SLC12A3: variants seen among roughly 807,000 people sequenced by gnomAD.
SLC12A3 encodes solute carrier family 12 member 3.
SLC12A3 carries 104 observed loss-of-function variants against 121.0 expected under a neutral mutation model. The observed-to-expected ratio is 0.86, with a 90% CI of 0.73 to 1.01. SLC12A3 has a LOEUF of 1.01. SLC12A3 is among the 50% of genes least tolerant of loss of function. SLC12A3 has a pLI of 0.00. For missense variants in SLC12A3, 1,328 were observed against 1,356.3 expected, an observed-to-expected ratio of 0.98 and a Z score of 0.33; for synonymous variants, 536 against 533.4, an observed-to-expected ratio of 1.00 and a Z score of -0.07.
chr16:56,880,974 C>T (rs1370521228), intron 12 of SLC12A3, among the ~76,000 whole-genome samples: 2 of 152,232 alleles, frequency 1.3e-5, no homozygotes, highest in African/African-American at 4.8e-5. Flanking sequence ...CACACACACT[C>T]ATATGTGCAC....
At chr16:56,894,673 T>G in intron 22 of SLC12A3, 31 bp downstream of exon 22, 16 of 1,528,868 alleles carry the variant, frequency 1.0e-5, no homozygotes, top group Non-Finnish European at 1.4e-5. Flanking sequence ...TGGGGGTGAC[T>G]GCAGGGACCA....
At chr16:56,880,290 T>A in intron 12 of SLC12A3, 37 bp downstream of exon 12, 1 of 1,555,398 alleles carries the variant, frequency 6.4e-7, no homozygotes, top group Non-Finnish European at 8.7e-7. Flanking sequence ...CCTGGCCTCC[T>A]GTTCCCCTGG....
intron 15 of SLC12A3, 69 bp from the exon 16 acceptor site, chr16:56,886,295 T>A: frequency 8.7e-7 from 1 of 1,147,858 alleles, no homozygotes; most frequent in South Asian, 1.2e-5. Context: ...GCCTGGGAGG[T>A]GCCTTTCGCA....
At chr16:56,907,345 C>T (rs1311954077) in intron 25 of SLC12A3, among the ~76,000 whole-genome samples, 1 of 151,860 alleles carries the variant, frequency 6.6e-6, no homozygotes, top group African/African-American at 2.4e-5. Context: ...GTAATCCCAG[C>T]TACTTGGGAG....
At chr16:56,871,158 C>T (rs1264418766) in intron 6 of SLC12A3, among the ~76,000 whole-genome samples, 1 of 152,276 alleles carries the variant, frequency 6.6e-6, no homozygotes, top group East Asian at 1.9e-4. Context: ...TGTGTGACAA[C>T]CTAGGTCCAC....
At chr16:56,912,032 G>C (rs557895049) in intron 25 of SLC12A3, among the ~76,000 whole-genome samples, 1 of 152,258 alleles carries the variant, frequency 6.6e-6, no homozygotes, top group Non-Finnish European at 1.5e-5. Flanking sequence ...CGACTCGGAC[G>C]CCAGAGACTG....
chr16:56,865,867 G>C (rs1478304837), intron 1 of SLC12A3, among the ~76,000 whole-genome samples: 2 of 152,202 alleles, frequency 1.3e-5, no homozygotes, highest in African/African-American at 4.8e-5. Context: ...TTTGCTGCCC[G>C]GGAGGCTGGA....
At chr16:56,906,754 T>C in intron 25 of SLC12A3, 1 of 729,530 alleles carries the variant, frequency 1.4e-6, no homozygotes, top group Non-Finnish European at 2.2e-6. Context: ...AGCTTTGGCA[T>C]GATTTATGAT....
rs1596949929 is a variant in SLC12A3 at position 56,902,630 on chromosome 16, C to T, written c.2856+122C>T. On this transcript the variant is annotated intron_variant, in intron 24 of 25. Coordinates refer to ENST00000563236, the MANE Select transcript of SLC12A3 (RefSeq NM_001126108.2). ...CTCCACCCTGCCTTCCACTCCGGCC[C>T]CTGAGGTATCCTCAAGCCACAGTCG... 5.0e-6 allele frequency: 6 copies of T among 1,202,868 alleles called. No homozygotes were observed. In the East Asian group the frequency reaches 1.3e-4, roughly 25 times the overall value. 74.5% of individuals were successfully genotyped at this position (1,202,868 alleles called of 1,614,324 possible).
intron 22 of SLC12A3, among the ~76,000 whole-genome samples, chr16:56,899,032 A>G (rs1164204796): frequency 6.6e-6 from 1 of 152,206 alleles, no homozygotes; most frequent in East Asian, 1.9e-4. Flanking sequence ...GATGGCCACC[A>G]GATACTTGGG....
chr16:56,902,522 T>TGGGG lies in SLC12A3; in HGVS notation c.2856+16_2856+19dup. On this transcript the variant is annotated intron_variant, in intron 24 of 25. Transcript: ENST00000563236. ...AACAGAGTCAAGGTGCAGAGAGGGG[T>TGGGG]GGGGGTGGGAAACGCGACACATCAC... The TGGGG allele has an allele frequency of 4.8e-6, 2 of 415,456 alleles. No individual in the cohort carries two copies. The highest frequency in any genetic ancestry group is 4.2e-6 in the Non-Finnish European group (1 of 239,946). 25.7% of individuals were successfully genotyped at this position (415,456 alleles called of 1,614,324 possible).
chr16:56,895,247 A>G (rs2055446728), intron 22 of SLC12A3, among the ~76,000 whole-genome samples: 1 of 142,384 alleles, frequency 7.0e-6, no homozygotes, highest in African/African-American at 2.7e-5. Flanking sequence ...GCTAGAGTGC[A>G]GTGACGCAAT....
intron 25 of SLC12A3, among the ~76,000 whole-genome samples, chr16:56,905,322 G>C (rs2055592762): frequency 8.4e-6 from 1 of 119,644 alleles, no homozygotes; most frequent in Non-Finnish European, 1.6e-5. Flanking sequence ...CTGGCAACAA[G>C]AGCGAAACTC....
At chr16:56,877,394 T>TC (rs2055177345) in intron 8 of SLC12A3, among the ~76,000 whole-genome samples, 1 of 150,528 alleles carries the variant, frequency 6.6e-6, no homozygotes, top group Non-Finnish European at 1.5e-5. Context: ...AGACTCTGTC[T>TC]CAAAAAAAAA....
chr16:56,907,260 G>T (rs765478206), intron 25 of SLC12A3, among the ~76,000 whole-genome samples: 1 of 152,078 alleles, frequency 6.6e-6, no homozygotes, highest in South Asian at 2.1e-4. Context: ...GTTTGAGACC[G>T]GCCTGGCCAA....
chr16:56,905,528 T>C lies in SLC12A3; in HGVS notation c.2924+1066T>C, dbSNP rs140274734. ...TGGTGATGTACCCCACTCCCAGACCTGTCACCATCTGACCTGGACTGCAGA... is the reference window on the plus strand; with the variant it reads ...TGGTGATGTACCCCACTCCCAGACCCGTCACCATCTGACCTGGACTGCAGA... On this transcript the variant is annotated intron_variant, in intron 25 of 25. Coordinates refer to ENST00000563236, the MANE Select transcript of SLC12A3 (RefSeq NM_001126108.2). Among the ~76,000 whole-genome samples, 412 of 152,160 alleles carry C rather than the reference T, an allele frequency of 2.7e-3. 1 individual carries two copies. Among genetic ancestry groups the C allele is most frequent in the Admixed American group, 4.8e-3 (73 of 15,274 alleles).
In SLC12A3 at chr16:56,878,062, C is replaced by T. The variant is rs1567431961; in HGVS notation, c.1096-15C>T. ...TCCCTCCCTCCCTCCCTCCCTCTCTCCCTCCCTCCTTCAGGACCCTGCTAT... is the reference window on the plus strand; with the variant it reads ...TCCCTCCCTCCCTCCCTCCCTCTCTTCCTCCCTCCTTCAGGACCCTGCTAT... On this transcript the variant is annotated splice_polypyrimidine_tract_variant and intron_variant, in intron 8 of 25. Transcript: ENST00000563236. The T allele has an allele frequency of 4.0e-6, 3 of 746,132 alleles. No homozygotes were observed. Among genetic ancestry groups the T allele is most frequent in the Non-Finnish European group, 4.3e-6 (2 of 463,778 alleles). The allele number at this position is 746,132 out of a possible 1,614,324, so 46.2% of individuals were successfully genotyped here.
intron 15 of SLC12A3, among the ~76,000 whole-genome samples, chr16:56,885,657 G>A (rs544884535): frequency 1.2e-4 from 19 of 152,248 alleles, no homozygotes; most frequent in Middle Eastern, 3.4e-3. Flanking sequence ...CAGTATCGCC[G>A]GAGCCAATGG....
chr16:56,913,333 C>T lies in SLC12A3; in HGVS notation c.2994C>T (p.Ser998=), dbSNP rs201969639. ...SLYMAWLETL[S]QDLRPPVILI... The stretch of plus-strand genomic sequence containing the variant: ...ACATGGCCTGGCTGGAGACCCTGTC[C>T]CAGGACCTCAGACCTCCAGTCATCC... The change falls in exon 26 of 26, where the codon TCC becomes TCT. Residue 998 remains serine, a synonymous_variant. Coordinates refer to ENST00000563236, the MANE Select transcript of SLC12A3 (RefSeq NM_001126108.2). 1 of 1,614,136 alleles carries T rather than the reference C, an allele frequency of 6.2e-7. No individual in the cohort carries two copies. Among genetic ancestry groups the T allele is most frequent in the Non-Finnish European group, 8.5e-7 (1 of 1,179,998 alleles).
Sources: allele counts gnomAD v4.1 joint callset (sites outside exome capture counted in the v4.1 genomes callset), GRCh38; gene constraint gnomAD v4.1.1; transcripts MANE v1.5; gene names NCBI Gene and HGNC (gene_info 2026-07-23, HGNC 2026-07-21).